The following PHF3 variants were observed in gnomAD, a reference collection of about 807,000 sequenced individuals.
The protein encoded by PHF3 is PHD finger protein 3.
In PHF3, 41 loss-of-function variants were observed where a neutral mutation model predicts 178.4. The ratio of observed to expected loss-of-function variants is 0.23; its 90% CI spans 0.18 to 0.30. PHF3 has a LOEUF of 0.30. PHF3 is among the 10% of genes least tolerant of loss of function. PHF3 has a pLI of 1.00. For missense variants in PHF3, 2,346 were observed against 2,398.1 expected, an observed-to-expected ratio of 0.98 and a Z score of 0.45; for synonymous variants, 842 against 800.5, an observed-to-expected ratio of 1.05 and a Z score of -0.88.
At position 63,698,269 on chromosome 6, in the gene PHF3, A is replaced by C; in HGVS notation, c.2727A>C (p.Gly909=). Residue 909 remains glycine (G), a synonymous_variant, in exon 7 of 16, where the codon GGA becomes GGC. Transcript: ENST00000262043. ...TGAAAAAGAAGAAAGTTGAAAAAGG[A>C]GTGCTTAATGTACATCCTGCTGCTT... is the stretch of plus-strand genomic sequence containing the variant. The part of the protein sequence containing the change: ...QEMKKKKVEK[G]VLNVHPAASA... 1.2e-6 allele frequency: 2 copies of C among 1,612,578 alleles called. No individual in the cohort carries two copies. Among genetic ancestry groups the C allele is most frequent in the African/African-American group, 2.7e-5 (2 of 75,046 alleles).
Position 63,712,873 on chromosome 6 carries a change from C to T in PHF3, c.5285C>T (p.Thr1762Ile), listed in dbSNP as rs145647702. The T allele has an allele frequency of 1.7e-5, 28 of 1,613,904 alleles. No individual in the cohort carries two copies. The highest frequency in any genetic ancestry group is 2.2e-5 in the Non-Finnish European group (26 of 1,179,976). ...TTTCGAAGAGGATCAGCAGTAGCGA[C>T]ATCTCATTTTGAAGTTGGAAACACA... ...HPFRRGSAVA[T>I]SHFEVGNTCP... The change falls in exon 16 of 16, where the codon ACA becomes ATA. Residue 1762 changes from threonine to isoleucine, a missense_variant. Physicochemically the swap from Thr to Ile is moderately conservative, Grantham distance 89. Around this residue, in one of 8 missense-constraint regions of PHF3, gnomAD observed 839 missense variants for 806.9 expected, o/e 1.04. Coordinates refer to ENST00000262043, the MANE Select transcript of PHF3 (RefSeq NM_001370348.2).
intron 3 of PHF3, 49 bp from the exon 4 acceptor site, chr6:63,684,080 C>T (rs1561963232): frequency 2.2e-6 from 3 of 1,365,574 alleles, no homozygotes; most frequent in South Asian, 1.4e-5. Flanking sequence ...AATAAAAGCA[C>T]ATGACAAAAT....
At chr6:63,675,597 G>C (rs1164201631) in intron 2 of PHF3, among the ~76,000 whole-genome samples, 1 of 152,172 alleles carries the variant, frequency 6.6e-6, no homozygotes, top group Non-Finnish European at 1.5e-5. Flanking sequence ...GTTGAAGGAA[G>C]TGTGTTGTCA....
In PHF3 at chr6:63,670,333, A is replaced by G. The variant is rs542158569; in HGVS notation, c.245-9667A>G. On this transcript the variant is annotated intron_variant, in intron 2 of 15. Coordinates refer to ENST00000262043, the MANE Select transcript of PHF3 (RefSeq NM_001370348.2). ...GCCCAGGCTGGACTGCAGTGGCGCT[A>G]TCTCGGCTCACTGAAAGCTCTGCCT... 7.9e-5 allele frequency among the ~76,000 whole-genome samples: 12 copies of G among 152,250 alleles called. No homozygotes were observed. The South Asian group carries it at 1.5e-3, about 18-fold the overall frequency.
At chr6:63,695,961 A>AT in intron 6 of PHF3, among the ~76,000 whole-genome samples, 1 of 152,338 alleles carries the variant, frequency 6.6e-6, no homozygotes, top group East Asian at 1.9e-4. Context: ...TCTGGAGCCT[A>AT]TTAGAAGACT....
chr6:63,698,405 T>C (rs762055566), intron 7 of PHF3, 38 bp downstream of exon 7: 9 of 1,579,794 alleles, frequency 5.7e-6, no homozygotes, highest in African/African-American at 2.7e-5. Flanking sequence ...TCAATAATTA[T>C]GCTTTATACA....
chr6:63,698,456 G>T lies in PHF3; in HGVS notation c.2833G>T (p.Asp945Tyr). ...AATTGTTCTAATTTTAAGACTTACA[G>T]ACTCAAATTTGAAGGTACCAGAGGA... ...LKDILMKRLT[D>Y]SNLKVPEEKA... Residue 945 changes from aspartate (D) to tyrosine (Y), a missense_variant, in exon 8 of 16, where the codon GAC (aspartate) becomes TAC (tyrosine). Physicochemically the swap from Asp to Tyr is radical, Grantham distance 160. Transcript: ENST00000262043. 1 of 1,592,726 alleles carries T rather than the reference G, an allele frequency of 6.3e-7. No homozygotes were observed. Among genetic ancestry groups the T allele is most frequent in the Non-Finnish European group, 8.5e-7 (1 of 1,171,614 alleles).
intron 2 of PHF3, among the ~76,000 whole-genome samples, chr6:63,676,626 CAAA>C (rs1766177214): frequency 6.6e-6 from 1 of 152,108 alleles, no homozygotes; most frequent in Non-Finnish European, 1.5e-5. Context: ...GAGATGAAGT[CAAA>C]GAAGTTGGCA....
intron 2 of PHF3, among the ~76,000 whole-genome samples, chr6:63,670,864 C>T (rs1582044246): frequency 6.6e-6 from 1 of 152,116 alleles, no homozygotes; most frequent in Admixed American, 6.5e-5. Context: ...TAGTCTTTTC[C>T]TGGGCTACTA....
chr6:63,661,665 A>G (rs937827174), intron 2 of PHF3, among the ~76,000 whole-genome samples: 3 of 152,174 alleles, frequency 2.0e-5, no homozygotes, highest in Admixed American at 6.6e-5. Context: ...GTTATCTTTC[A>G]AACAGCCTAC....
At chr6:63,701,756 C>T (rs1767487167) in intron 9 of PHF3, among the ~76,000 whole-genome samples, 1 of 152,072 alleles carries the variant, frequency 6.6e-6, no homozygotes, top group African/African-American at 2.4e-5. Flanking sequence ...ATAATATCAC[C>T]TCCTCTTCCT....
intron 6 of PHF3, among the ~76,000 whole-genome samples, chr6:63,696,581 A>G (rs1034027481): frequency 2.6e-5 from 4 of 152,166 alleles, no homozygotes; most frequent in African/African-American, 7.2e-5. Flanking sequence ...TGGCCTCTCA[A>G]GGTGCTGGGA....
chr6:63,700,778 T>C (rs1190688436), intron 9 of PHF3, among the ~76,000 whole-genome samples: 1 of 152,124 alleles, frequency 6.6e-6, no homozygotes, highest in East Asian at 1.9e-4. Context: ...GAGGTGGGGT[T>C]TTACCTCTTA....
At position 63,713,561 on chromosome 6, in the gene PHF3, T is replaced by C. The variant is rs200068307; in HGVS notation, c.5973T>C (p.Asn1991=). 223 of 1,613,204 alleles carry C rather than the reference T, an allele frequency of 1.4e-4. No individual in the cohort carries two copies. The highest frequency in any genetic ancestry group is 1.8e-4 in the Non-Finnish European group (212 of 1,179,842). The change falls in exon 16 of 16, where the codon AAT becomes AAC. Residue 1991 remains asparagine (N), a synonymous_variant. Transcript: ENST00000262043. Reference sequence around the variant, plus strand: ...GAAAAGCAAGCAGAGATAGTAGGAATGTAGACAAGAAGCCAGATAAACCTA... The same window carrying C: ...GAAAAGCAAGCAGAGATAGTAGGAACGTAGACAAGAAGCCAGATAAACCTA... The part of the protein sequence containing the change: ...TDGKASRDSR[N]VDKKPDKPKS...
Position 63,711,957 on chromosome 6 carries a change from C to A in PHF3, c.4369C>A (p.Leu1457Met), listed in dbSNP as rs754300043. Residue 1457 changes from leucine (L) to methionine (M), a missense_variant, in exon 16 of 16, where the codon CTG becomes ATG. This residue lies in a region of PHF3 where 839 missense variants were observed against 806.9 expected (regional missense o/e 1.04). Coordinates refer to ENST00000262043, the MANE Select transcript of PHF3 (RefSeq NM_001370348.2). ...TGGCTGGGAGAATCAACCTACTACTCTGGAATTAGCAAATAAACCTCTTCC... is the reference window on the plus strand; with the variant it reads ...TGGCTGGGAGAATCAACCTACTACTATGGAATTAGCAAATAAACCTCTTCC... ...LIGWENQPTT[L>M]ELANKPLPVD... 3.7e-6 allele frequency: 6 copies of A among 1,613,624 alleles called. No homozygotes were observed. The highest frequency in any genetic ancestry group is 5.1e-6 in the Non-Finnish European group (6 of 1,179,896).
chr6:63,721,619 T>TAA lies in PHF3; in HGVS notation c.*7912_*7913insAA. The TAA allele has an allele frequency of 6.4e-7, 1 of 1,551,462 alleles. No individual in the cohort carries two copies. The highest frequency in any genetic ancestry group is 8.7e-7 in the Non-Finnish European group (1 of 1,146,676). ...TCATTTTAGTGGAGGCCTTTTCTGT[T>TAA]ACATTTATCCCATCTAGATCCAGGT... On this transcript the variant is annotated 3_prime_UTR_variant, in exon 16 of 16. Coordinates refer to ENST00000262043, the MANE Select transcript of PHF3 (RefSeq NM_001370348.2).
At chr6:63,686,228 T>C (rs1766697960) in intron 4 of PHF3, 4 of 277,762 alleles carry the variant, frequency 1.4e-5, no homozygotes, top group Non-Finnish European at 2.0e-5. Context: ...TTCCTGGTAA[T>C]TGGAAAATTG....
At position 63,714,849 on chromosome 6, in the gene PHF3, CTG is replaced by C. The variant is rs1222011599; in HGVS notation, c.*1143_*1144del. 6.6e-6 allele frequency: 1 copy of C among 151,832 alleles called. No homozygotes were observed. The highest frequency in any genetic ancestry group is 2.4e-5 in the African/African-American group (1 of 41,352). The allele number at this position is 151,832 out of a possible 1,614,324, so 9.4% of individuals were successfully genotyped here. On this transcript the variant is annotated 3_prime_UTR_variant, in exon 16 of 16. Coordinates refer to ENST00000262043, the MANE Select transcript of PHF3 (RefSeq NM_001370348.2). ...CGATTTAGCCTAATTCGTAAAGTAACTGTACAGTTTCATATGCCAGTTTTACT... is the reference window on the plus strand; with the variant it reads ...CGATTTAGCCTAATTCGTAAAGTAACTACAGTTTCATATGCCAGTTTTACT...
chr6:63,711,478 C>T, intron 15 of PHF3, 108 bp from the exon 16 acceptor site: 1 of 1,329,614 alleles, frequency 7.5e-7, no homozygotes, highest in African/African-American at 1.5e-5. Context: ...GATGGCTTGA[C>T]AGGGCCAGGC....
Sources: allele counts gnomAD v4.1 joint callset (sites outside exome capture counted in the v4.1 genomes callset), GRCh38; gene constraint gnomAD v4.1.1; regional missense constraint gnomAD v4.1.1; transcripts MANE v1.5; gene names NCBI Gene and HGNC (gene_info 2026-07-23, HGNC 2026-07-21).